KLHL1: variants seen among roughly 807,000 people sequenced by gnomAD.
KLHL1 encodes kelch-like protein 1.
In KLHL1, 47 loss-of-function variants were observed where a neutral mutation model predicts 77.7. The ratio of observed to expected loss-of-function variants is 0.60; its 90% confidence interval spans 0.48 to 0.77. The LOEUF (loss-of-function observed/expected upper bound fraction) is 0.77, where lower values mean the gene tolerates loss of function less well. Among genes scored for constraint, KLHL1 ranks in the 30% least tolerant of loss-of-function variants. The pLI, the probability that KLHL1 is intolerant of heterozygous loss-of-function variation, is 0.00. For synonymous variants in KLHL1, 360 were observed against 325.2 expected, an observed-to-expected ratio of 1.11 and a Z score of -1.15; for missense variants, 925 against 910.8, an observed-to-expected ratio of 1.02 and a Z score of -0.20.
intron 7 of KLHL1, among the ~76,000 whole-genome samples, chr13:69,788,540 T>C (rs1876685451): frequency 6.6e-6 from 1 of 152,036 alleles, no homozygotes. Flanking sequence ...AGGGATAGCA[T>C]TAGGAGATAT....
At chr13:69,878,309 G>A (rs1566356279) in intron 5 of KLHL1, among the ~76,000 whole-genome samples, 1 of 151,156 alleles carries the variant, frequency 6.6e-6, no homozygotes, top group Admixed American at 6.6e-5. Context: ...TTATACTCTT[G>A]TCTTGGTCAG....
chr13:69,736,556 A>G (rs1043240452), intron 8 of KLHL1, among the ~76,000 whole-genome samples: 1 of 152,128 alleles, frequency 6.6e-6, no homozygotes, highest in African/African-American at 2.4e-5. Flanking sequence ...ACCCAGAGGA[A>G]AGAAGTCATT....
chr13:69,975,664 A>T lies in KLHL1; in HGVS notation c.636T>A (p.Cys212Ter), dbSNP rs1434683810. 6.2e-7 allele frequency: 1 copy of T among 1,613,558 alleles called. No homozygotes were observed. Among genetic ancestry groups the T allele is most frequent in the Non-Finnish European group, 8.5e-7 (1 of 1,179,756 alleles). The change falls in exon 2 of 11, where the codon TGT (cysteine) becomes TGA (stop). Residue 212 changes from cysteine to a stop codon, truncating the protein, a stop_gained. Coordinates refer to ENST00000377844, the MANE Select transcript of KLHL1 (RefSeq NM_020866.3). LOFTEE classifies it high-confidence loss of function. ...GGTTCCCAACAATCAGGATAACATC[A>T]CAAAGTTGCTGCTGCTTCAAATAAC... ...MESYLKQQQL[C>*]DVILIVGNRK... is the part of the protein sequence containing the mutation.
chr13:69,781,201 T>G (rs1296938210), intron 7 of KLHL1, among the ~76,000 whole-genome samples: 2 of 152,054 alleles, frequency 1.3e-5, no homozygotes, highest in Non-Finnish European at 2.9e-5. Flanking sequence ...ACAACAGTTT[T>G]TCCTCTACCT....
At chr13:70,029,525 A>G (rs559995350) in intron 1 of KLHL1, among the ~76,000 whole-genome samples, 1 of 152,308 alleles carries the variant, frequency 6.6e-6, no homozygotes, top group South Asian at 2.1e-4. Context: ...TGAAGGAGAA[A>G]TAAAATACTT....
intron 4 of KLHL1, among the ~76,000 whole-genome samples, chr13:69,891,810 C>T (rs958861806): frequency 3.3e-5 from 5 of 151,972 alleles, no homozygotes; most frequent in African/African-American, 9.7e-5. Flanking sequence ...GCTTCTCATA[C>T]TGGACATATA....
At chr13:69,983,717 G>A (rs1196301793) in intron 1 of KLHL1, among the ~76,000 whole-genome samples, 1 of 151,686 alleles carries the variant, frequency 6.6e-6, no homozygotes, top group Non-Finnish European at 1.5e-5. Context: ...GCAATGACCT[G>A]TACTCACATC....
At chr13:69,723,254 A>G (rs1358731085) in intron 8 of KLHL1, among the ~76,000 whole-genome samples, 1 of 152,132 alleles carries the variant, frequency 6.6e-6, no homozygotes, top group Non-Finnish European at 1.5e-5. Flanking sequence ...TTGGTACTCT[A>G]TTGCACATTA....
At chr13:69,790,252 A>AAACAAAC (rs3048161) in intron 7 of KLHL1, among the ~76,000 whole-genome samples, 2 of 152,224 alleles carry the variant, frequency 1.3e-5, no homozygotes, top group African/African-American at 4.8e-5. Flanking sequence ...AAAAAATATT[A>AAACAAAC]AACTCTGGAA....
At chr13:69,782,322 G>C (rs997909715) in intron 7 of KLHL1, among the ~76,000 whole-genome samples, 3 of 152,236 alleles carry the variant, frequency 2.0e-5, no homozygotes, top group South Asian at 4.1e-4. Flanking sequence ...GCGCAGGTCA[G>C]TGGGTGCAGC....
chr13:69,966,035 T>G, intron 2 of KLHL1, among the ~76,000 whole-genome samples: 1 of 152,120 alleles, frequency 6.6e-6, no homozygotes, highest in East Asian at 1.9e-4. Context: ...GTTATTATGG[T>G]TTTTGCCATT....
chr13:69,818,191 A>G (rs1329027245), intron 6 of KLHL1, among the ~76,000 whole-genome samples: 2 of 150,218 alleles, frequency 1.3e-5, no homozygotes, highest in African/African-American at 2.5e-5. Flanking sequence ...GATGACATAA[A>G]TAAGAATTTA....
At chr13:69,939,348 T>TAC (rs1566424619) in intron 4 of KLHL1, among the ~76,000 whole-genome samples, 2 of 41,302 alleles carry the variant, frequency 4.8e-5, no homozygotes, top group Non-Finnish European at 5.2e-5. Context: ...TACATATATA[T>TAC]ATATATATAT....
At chr13:70,077,919 T>C (rs1486354582) in intron 1 of KLHL1, among the ~76,000 whole-genome samples, 1 of 152,104 alleles carries the variant, frequency 6.6e-6, no homozygotes, top group Non-Finnish European at 1.5e-5. Context: ...AGGTTTTGTG[T>C]TCTTTTGAAA....
At chr13:69,838,692 A>G (rs1235733639) in intron 6 of KLHL1, among the ~76,000 whole-genome samples, 1 of 151,886 alleles carries the variant, frequency 6.6e-6, no homozygotes, top group Non-Finnish European at 1.5e-5. Context: ...TAGCATTCTC[A>G]ATATATCCAA....
intron 8 of KLHL1, among the ~76,000 whole-genome samples, chr13:69,735,229 CT>C (rs1247496722): frequency 6.6e-6 from 1 of 151,552 alleles, no homozygotes; most frequent in Non-Finnish European, 1.5e-5. Flanking sequence ...AAAATACTGC[CT>C]TTAACCTTAA....
chr13:69,797,163 C>T (rs550843061), intron 6 of KLHL1, among the ~76,000 whole-genome samples: 2 of 152,232 alleles, frequency 1.3e-5, no homozygotes, highest in Non-Finnish European at 2.9e-5. Context: ...TCAAAATAGA[C>T]ACAAATGTTC....
chr13:69,771,797 AAT>A (rs1276390597), intron 7 of KLHL1, among the ~76,000 whole-genome samples: 1 of 152,150 alleles, frequency 6.6e-6, no homozygotes, highest in African/African-American at 2.4e-5. Context: ...ATAATGGTGT[AAT>A]ATTTGTCTTT....
rs1263247033 is a variant in KLHL1 at position 69,995,814 on chromosome 13, C to T, written c.498-20012G>A. The stretch of plus-strand genomic sequence containing the variant: ...TGAATAGGCTAAACCTAGTTATTTC[C>T]TCAGTCTCAGAATACATAGTTGGAA... On this transcript the variant is annotated intron_variant, in intron 1 of 10. Transcript: ENST00000377844. Among the ~76,000 whole-genome samples, 3 of 152,190 alleles carry T rather than the reference C, an allele frequency of 2.0e-5. No individual in the cohort carries two copies. In the East Asian group the frequency reaches 5.8e-4, roughly 29 times the overall value.
Sources: gnomAD v4.1 joint callset for allele counts (sites outside exome capture counted in the v4.1 genomes callset) on GRCh38, gnomAD v4.1.1 for gene constraint, MANE v1.5 for transcripts, NCBI Gene and HGNC (gene_info 2026-07-23, HGNC 2026-07-21) for gene names.